LBHD2: variants seen among roughly 807,000 people sequenced by gnomAD.
LBHD2 encodes LBH domain-containing protein 2.
chr14:103,088,433 A>G (rs1182940651), intron 3 of LBHD2, among the ~76,000 whole-genome samples, 192 bp downstream of exon 3: 2 of 152,096 alleles, frequency 1.3e-5, no homozygotes, highest in Non-Finnish European at 2.9e-5. Context: ...CCCCCTCCCT[A>G]GCACCGTCCT....
rs1275708848 is a variant in LBHD2, at chr14:103,089,736, C to T, written c.266C>T (p.Ala89Val). The change falls in exon 4 of 4, where the codon GCA becomes GTA. Residue 89 changes from alanine to valine, a missense_variant. Ala to Val is a moderately conservative substitution (Grantham distance 64). Coordinates refer to ENST00000634353, the MANE Select transcript of LBHD2 (RefSeq NM_001330236.2). The stretch of plus-strand genomic sequence containing the variant: ...CTGCCCGGAGAACCAGGGAAAGCTG[C>T]AGATAACGCTGGCAGCGAGTGTGCC... ...PSLPGEPGKA[A>V]DNAGSECACS... The T allele has an allele frequency of 5.0e-6, 2 of 398,566 alleles. No homozygotes were observed. The highest frequency in any genetic ancestry group is 8.8e-6 in the Non-Finnish European group (2 of 226,102). 24.7% of individuals were successfully genotyped at this position (398,566 alleles called of 1,614,324 possible). A position where few individuals can be genotyped will look rare whatever the true frequency, so the allele number is the denominator to read the frequency against.
intron 1 of LBHD2, 83 bp from the exon 2 acceptor site, chr14:103,085,893 G>A (rs1889625726): frequency 5.0e-6 from 2 of 396,716 alleles, no homozygotes; most frequent in South Asian, 1.4e-4. Flanking sequence ...GGGGTGGAGT[G>A]GGGTGGGCTT....
chr14:103,085,020 G>A (rs1388057152), intron 1 of LBHD2, among the ~76,000 whole-genome samples: 4 of 152,162 alleles, frequency 2.6e-5, no homozygotes, highest in Non-Finnish European at 5.9e-5. Flanking sequence ...TGCAGTGTGT[G>A]CCCCTCCTAG....
At chr14:103,089,038 G>A (rs1889671997) in intron 3 of LBHD2, among the ~76,000 whole-genome samples, 1 of 152,204 alleles carries the variant, frequency 6.6e-6, no homozygotes, top group Non-Finnish European at 1.5e-5. Flanking sequence ...GAGCAGGAGG[G>A]GGCAGCCGGC....
At chr14:103,085,325 G>A (rs7158285) in intron 1 of LBHD2, among the ~76,000 whole-genome samples, 1 of 152,102 alleles carries the variant, frequency 6.6e-6, no homozygotes. Flanking sequence ...GAGCCCACAC[G>A]GCCCGAGCGC....
chr14:103,089,654 A>G (rs908600613), intron 3 of LBHD2, 43 bp from the exon 4 acceptor site: 17 of 397,472 alleles, frequency 4.3e-5, no homozygotes, highest in Non-Finnish European at 6.6e-5. Flanking sequence ...CTCAGGCTGC[A>G]CTCCCCCCGC....
intron 3 of LBHD2, among the ~76,000 whole-genome samples, chr14:103,089,363 T>C (rs1229979242): frequency 1.3e-5 from 2 of 152,168 alleles, no homozygotes; most frequent in Non-Finnish European, 2.9e-5. Flanking sequence ...CCAAAGCCTC[T>C]TGTCAGTTTC....
chr14:103,085,051 G>T (rs1423277107), intron 1 of LBHD2, among the ~76,000 whole-genome samples: 1 of 152,186 alleles, frequency 6.6e-6, no homozygotes, highest in African/African-American at 2.4e-5. Flanking sequence ...GCCTCAGTGG[G>T]ACCCCAGCTG....
intron 2 of LBHD2, among the ~76,000 whole-genome samples, chr14:103,086,696 G>A (rs1406304882): frequency 3.3e-5 from 5 of 151,098 alleles, no homozygotes; most frequent in Non-Finnish European, 5.9e-5. Context: ...GGGATGGGGA[G>A]GTGCTGATGA....
chr14:103,085,137 A>G (rs980946755), intron 1 of LBHD2, among the ~76,000 whole-genome samples: 2 of 151,856 alleles, frequency 1.3e-5, no homozygotes, highest in Non-Finnish European at 2.9e-5. Flanking sequence ...CGGCCACAGG[A>G]CCACCCTCAC....
intron 2 of LBHD2, 108 bp from the exon 3 acceptor site, chr14:103,087,977 T>A (rs1001509941): frequency 5.1e-6 from 2 of 395,970 alleles, no homozygotes; most frequent in Non-Finnish European, 8.9e-6. Context: ...GGGGACTGGG[T>A]GGGAAGGGTC....
At chr14:103,088,886 C>T (rs545949355) in intron 3 of LBHD2, among the ~76,000 whole-genome samples, 36 of 152,336 alleles carry the variant, frequency 2.4e-4, no homozygotes, top group African/African-American at 8.2e-4. Context: ...CCCAGCTACT[C>T]TGAAGGCTGA....
At chr14:103,088,904 G>A (rs1482269557) in intron 3 of LBHD2, among the ~76,000 whole-genome samples, 2 of 152,250 alleles carry the variant, frequency 1.3e-5, no homozygotes, top group Non-Finnish European at 2.9e-5. Context: ...TGAGGCAGGA[G>A]AATCGCTTGA....
At chr14:103,086,493 G>C (rs1186150230) in intron 2 of LBHD2, among the ~76,000 whole-genome samples, 2 of 152,178 alleles carry the variant, frequency 1.3e-5, no homozygotes, top group African/African-American at 4.8e-5. Flanking sequence ...TTACAGGCGT[G>C]AGCCACTGTG....
At chr14:103,088,659 C>A (rs900146316) in intron 3 of LBHD2, among the ~76,000 whole-genome samples, 1 of 152,194 alleles carries the variant, frequency 6.6e-6, no homozygotes, top group African/African-American at 2.4e-5. Flanking sequence ...GATGGGCTGG[C>A]CTGTTGGCAG....
In LBHD2 at chr14:103,084,308, G is replaced by GC. The variant is rs1373431552; in HGVS notation, c.-73dup. 6 of 152,352 alleles carry GC rather than the reference G, an allele frequency of 3.9e-5. No homozygotes were observed. Among genetic ancestry groups the GC allele is most frequent in the African/African-American group, 1.4e-4 (6 of 41,564 alleles). 9.4% of individuals were successfully genotyped at this position (152,352 alleles called of 1,614,324 possible). A position where few individuals can be genotyped will look rare whatever the true frequency, so the allele number is the denominator to read the frequency against. ...CGCAGGGTCGCCCCTCCCCAGCCTG[G>GC]CCCCGGCAGTGCGGGCCCCGGGAGC... On this transcript the variant is annotated 5_prime_UTR_variant, in exon 1 of 4. Transcript: ENST00000634353.
intron 1 of LBHD2, among the ~76,000 whole-genome samples, chr14:103,085,149 C>A (rs1253560947): frequency 1.3e-5 from 2 of 152,134 alleles, no homozygotes; most frequent in South Asian, 4.1e-4. Context: ...CACCCTCACC[C>A]ACCCCAGCAG....
intron 1 of LBHD2, among the ~76,000 whole-genome samples, chr14:103,085,522 C>A (rs796227826): frequency 5.0e-4 from 76 of 152,336 alleles, no homozygotes; most frequent in African/African-American, 1.7e-3. Context: ...GTGCAGGGTG[C>A]ATGCTCTCGA....
intron 2 of LBHD2, among the ~76,000 whole-genome samples, 200 bp from the exon 3 acceptor site, chr14:103,087,885 C>T (rs1388265125): frequency 6.6e-6 from 1 of 152,164 alleles, no homozygotes; most frequent in Admixed American, 6.5e-5. Context: ...AGCACCCTAC[C>T]CCCAGGGTTG....
Sources: gnomAD v4.1 joint callset for allele counts (sites outside exome capture counted in the v4.1 genomes callset) on GRCh38, gnomAD v4.1.1 for gene constraint, MANE v1.5 for transcripts, NCBI Gene and HGNC (gene_info 2026-07-23, HGNC 2026-07-21) for gene names.